PRDM16: variants seen among roughly 807,000 people sequenced by gnomAD.
PRDM16 encodes histone-lysine N-methyltransferase PRDM16.
PRDM16 carries 23 observed loss-of-function variants against 110.6 expected under a neutral mutation model. The ratio of observed to expected loss-of-function variants is 0.21; its 90% CI spans 0.15 to 0.29. PRDM16 has a LOEUF of 0.29. Among genes scored for constraint, PRDM16 ranks in the 10% least tolerant of loss-of-function variants. The pLI is 1.00. For synonymous variants in PRDM16, 799 were observed against 781.8 expected (o/e 1.02, Z -0.37); for missense variants, 1,615 against 1,794.3 (o/e 0.90, Z 1.81).
chr1:3,211,437 T>C (rs1348537922), intron 2 of PRDM16, among the ~76,000 whole-genome samples: 1 of 152,236 alleles, frequency 6.6e-6, no homozygotes, highest in Non-Finnish European at 1.5e-5. Context: ...GTGGGCTTGA[T>C]CTAGCTGGAG....
intron 8 of PRDM16, among the ~76,000 whole-genome samples, chr1:3,409,646 A>G (rs1014804089): frequency 4.0e-5 from 6 of 150,718 alleles, no homozygotes; most frequent in Middle Eastern, 3.2e-3. Context: ...ACTCGCCGGG[A>G]TGTGTGTGTG....
At chr1:3,230,795 C>CGACCG (rs1430770781) in intron 2 of PRDM16, among the ~76,000 whole-genome samples, 1 of 152,236 alleles carries the variant, frequency 6.6e-6, no homozygotes, top group Non-Finnish European at 1.5e-5. Context: ...CTGCCCGGTG[C>CGACCG]GACCGCACTG....
At chr1:3,324,655 G>A (rs986970680) in intron 3 of PRDM16, among the ~76,000 whole-genome samples, 1 of 151,852 alleles carries the variant, frequency 6.6e-6, no homozygotes, top group Admixed American at 6.6e-5. Flanking sequence ...TGAGGCCCTG[G>A]CATGATCCTG....
intron 1 of PRDM16, among the ~76,000 whole-genome samples, chr1:3,120,259 C>T (rs533842844): frequency 2.6e-5 from 4 of 152,372 alleles, no homozygotes; most frequent in Middle Eastern, 3.4e-3. Flanking sequence ...ACAAAGATCG[C>T]GTGTCCTCCC....
intron 4 of PRDM16, among the ~76,000 whole-genome samples, chr1:3,387,963 GACGGCCGC>G (rs984695195): frequency 3.3e-5 from 5 of 152,268 alleles, no homozygotes; most frequent in African/African-American, 1.2e-4. Context: ...TGACGGCTGT[GACGGCCGC>G]ACGGCCTCGG....
At chr1:3,218,980 G>T (rs1051330985) in intron 2 of PRDM16, among the ~76,000 whole-genome samples, 1 of 152,234 alleles carries the variant, frequency 6.6e-6, no homozygotes, top group African/African-American at 2.4e-5. Context: ...ACAGCCTGGG[G>T]CCCAGCTCTC....
chr1:3,117,326 C>T (rs1486436324), intron 1 of PRDM16, among the ~76,000 whole-genome samples: 2 of 152,134 alleles, frequency 1.3e-5, no homozygotes, highest in Admixed American at 6.5e-5. Context: ...CCTCAGGAGT[C>T]GGAAATTGGA....
At chr1:3,380,754 C>T (rs975323884) in intron 3 of PRDM16, among the ~76,000 whole-genome samples, 2 of 152,188 alleles carry the variant, frequency 1.3e-5, no homozygotes, top group African/African-American at 2.4e-5. Context: ...AAAAGAGAGG[C>T]TTATTCTGCA....
chr1:3,425,900 G>A lies in PRDM16; in HGVS notation c.3109+150G>A. 8.0e-7 allele frequency: 1 copy of A among 1,246,758 alleles called. No homozygotes were observed. The highest frequency in any genetic ancestry group is 1.5e-5 in the South Asian group (1 of 67,596). The allele number at this position is 1,246,758 out of a possible 1,614,324, so 77.2% of individuals were successfully genotyped here. ...AGCCAACAGGCACCCCTCAAACCGT[G>A]GTCATTAAAGAGAACCTCGTGCTCT... On this transcript the variant is annotated intron_variant, in intron 13 of 16. Transcript: ENST00000270722. The surrounding 1 kb of genome is among the most constrained non-coding windows in gnomAD (Gnocchi z 6.9).
intron 4 of PRDM16, among the ~76,000 whole-genome samples, chr1:3,388,312 GTC>G (rs903479187): frequency 1.3e-5 from 2 of 150,816 alleles, no homozygotes; most frequent in Admixed American, 6.6e-5. Flanking sequence ...CTCTTTCTCT[GTC>G]TCTCTCTTTC....
chr1:3,412,906 C>A (rs1199044309), intron 9 of PRDM16, 106 bp downstream of exon 9: 3 of 972,754 alleles, frequency 3.1e-6, no homozygotes, highest in Non-Finnish European at 4.2e-6. Flanking sequence ...CCAAGGTCGT[C>A]CCCCGGCCTT....
intron 3 of PRDM16, among the ~76,000 whole-genome samples, chr1:3,341,456 CG>C (rs1642270619): frequency 6.6e-6 from 1 of 152,108 alleles, no homozygotes; most frequent in East Asian, 1.9e-4. Flanking sequence ...ATGGAAGAAT[CG>C]GGGTGGTCTG....
At chr1:3,320,475 G>C (rs1445355547) in intron 3 of PRDM16, among the ~76,000 whole-genome samples, 5 of 152,342 alleles carry the variant, frequency 3.3e-5, no homozygotes, top group African/African-American at 9.6e-5. Context: ...TGAAGGGCCT[G>C]TGTGCTGGCT....
chr1:3,432,290 G>A lies in PRDM16; in HGVS notation c.3696+150G>A, dbSNP rs1638790167. 1.8e-5 allele frequency: 11 copies of A among 616,822 alleles called. No individual in the cohort carries two copies. In the East Asian group the frequency reaches 3.1e-4, roughly 17 times the overall value. The allele number at this position is 616,822 out of a possible 1,614,324, so 38.2% of individuals were successfully genotyped here. A position where few individuals can be genotyped will look rare whatever the true frequency, so the allele number is the denominator to read the frequency against. The stretch of plus-strand genomic sequence containing the variant: ...CGCTGCATCCTCCAGAGAGGCCCCA[G>A]CGACCACCGCCCTCCCGCAAGCTGG... On this transcript the variant is annotated intron_variant, in intron 16 of 16. Coordinates refer to ENST00000270722, the MANE Select transcript of PRDM16 (RefSeq NM_022114.4).
chr1:3,420,044 G>A (rs113267212), intron 12 of PRDM16, among the ~76,000 whole-genome samples: 2,113 of 152,220 alleles, frequency 0.014, 27 homozygotes, highest in Non-Finnish European at 0.023. Flanking sequence ...TGTAATGAGA[G>A]CCGACTTCTG....
In PRDM16 at chr1:3,273,116, A is replaced by G. The variant is rs140833005; in HGVS notation, c.438+28979A>G. 7.9e-5 allele frequency among the ~76,000 whole-genome samples: 12 copies of G among 152,300 alleles called. No homozygotes were observed. In the East Asian group the frequency reaches 1.9e-3, roughly 25 times the overall value. On this transcript the variant is annotated intron_variant, in intron 3 of 16. Coordinates refer to ENST00000270722, the MANE Select transcript of PRDM16 (RefSeq NM_022114.4). ...GCAGAGAGAGGAAGAAAGGCCCAGA[A>G]ACAGGGAGGATCCCAGGGGCAGTGG...
chr1:3,154,290 G>T (rs1034492558), intron 1 of PRDM16, among the ~76,000 whole-genome samples: 1 of 152,108 alleles, frequency 6.6e-6, no homozygotes, highest in African/African-American at 2.4e-5. Context: ...CGGCGTGGTG[G>T]GGGGGCAGGG....
chr1:3,110,519 A>T (rs1350779379), intron 1 of PRDM16, among the ~76,000 whole-genome samples: 1 of 69,810 alleles, frequency 1.4e-5, no homozygotes, highest in African/African-American at 6.4e-5. Context: ...CTGGGTGTGC[A>T]GACACAGTGC....
At chr1:3,217,536 G>A (rs549130109) in intron 2 of PRDM16, among the ~76,000 whole-genome samples, 2 of 152,328 alleles carry the variant, frequency 1.3e-5, no homozygotes, top group South Asian at 4.1e-4. Context: ...AAGAGTGCCT[G>A]GGAGCATAAA....
Sources: allele counts gnomAD v4.1 joint callset (sites outside exome capture counted in the v4.1 genomes callset), GRCh38; gene constraint gnomAD v4.1.1; non-coding constraint Gnocchi (gnomAD v3.1); transcripts MANE v1.5; gene names NCBI Gene and HGNC (gene_info 2026-07-23, HGNC 2026-07-21).